MYO5B: variants seen among roughly 807,000 people sequenced by gnomAD.
MYO5B encodes the protein myosin VB.
MYO5B carries 143 observed loss-of-function variants against 229.3 expected under a neutral mutation model. The observed-to-expected ratio is 0.62, with a 90% confidence interval of 0.54 to 0.72. MYO5B has a LOEUF of 0.72. Ranked by LOEUF, MYO5B falls within the 30% of genes least tolerant of loss-of-function variation. MYO5B has a pLI of 0.00. For missense variants in MYO5B, 2,321 were observed against 2,331.0 expected (o/e 1.00, Z 0.09); for synonymous variants, 918 against 885.2 (o/e 1.04, Z -0.66).
chr18:50,000,231 AT>A (rs2026031001), intron 5 of MYO5B, among the ~76,000 whole-genome samples: 1 of 152,184 alleles, frequency 6.6e-6, no homozygotes, highest in Admixed American at 6.5e-5. Flanking sequence ...ACCAAACTCC[AT>A]GGTGACTTGT....
At chr18:49,964,081 G>A (rs1180638597) in intron 10 of MYO5B, among the ~76,000 whole-genome samples, 2 of 152,116 alleles carry the variant, frequency 1.3e-5, no homozygotes, top group Non-Finnish European at 1.5e-5. Context: ...TTAGTTTTGT[G>A]ACAAATTCTT....
chr18:49,931,499 T>C (rs757735168), intron 16 of MYO5B, among the ~76,000 whole-genome samples: 70 of 152,192 alleles, frequency 4.6e-4, no homozygotes, highest in Non-Finnish European at 8.1e-4. Context: ...AAACATTTCC[T>C]TCAGAAGACT....
chr18:50,097,872 A>T (rs1280125229), intron 1 of MYO5B, among the ~76,000 whole-genome samples: 1 of 152,222 alleles, frequency 6.6e-6, no homozygotes, highest in African/African-American at 2.4e-5. Context: ...ACTGAGGAGG[A>T]GCAGAGAATG....
At chr18:49,838,824 G>T (rs1349193870) in intron 36 of MYO5B, among the ~76,000 whole-genome samples, 2 of 152,008 alleles carry the variant, frequency 1.3e-5, no homozygotes, top group Non-Finnish European at 2.9e-5. Context: ...AGGTTAAGAG[G>T]GTTATGCTTT....
Position 49,912,071 on chromosome 18 carries a change from G to A in MYO5B, c.2193C>T (p.Asn731=). Residue 731 remains asparagine, a synonymous_variant, in exon 18 of 40, where the codon AAC becomes AAT. Transcript: ENST00000285039. ...GGGCTGTGTGGCTCACCTTGATGAG[G>A]TTCTCCAGGACAGACCTGCAGATGG... is the stretch of plus-strand genomic sequence containing the variant. ...KKAICRSVLE[N]LIKDPDKFQF... is the part of the protein sequence containing the mutation. 6.2e-7 allele frequency: 1 copy of A among 1,613,796 alleles called. No homozygotes were observed. Among genetic ancestry groups the A allele is most frequent in the Non-Finnish European group, 8.5e-7 (1 of 1,179,680 alleles).
chr18:50,104,167 T>TAA (rs144294604), intron 1 of MYO5B, among the ~76,000 whole-genome samples: 2 of 131,488 alleles, frequency 1.5e-5, no homozygotes, highest in South Asian at 2.5e-4. Context: ...ACTTGTCTAT[T>TAA]AAAAAGAAAA....
intron 4 of MYO5B, among the ~76,000 whole-genome samples, chr18:50,033,032 A>C (rs2026407499): frequency 6.6e-6 from 1 of 152,156 alleles, no homozygotes; most frequent in Non-Finnish European, 1.5e-5. Flanking sequence ...CATACCTAAG[A>C]ATGGAATTGC....
At chr18:49,951,239 T>C (rs1401201396) in intron 14 of MYO5B, among the ~76,000 whole-genome samples, 1 of 152,220 alleles carries the variant, frequency 6.6e-6, no homozygotes, top group Non-Finnish European at 1.5e-5. Context: ...GTTTGCTGTT[T>C]ACTTTTTGCT....
At chr18:49,881,993 T>G (rs986776362) in intron 22 of MYO5B, among the ~76,000 whole-genome samples, 14 of 152,198 alleles carry the variant, frequency 9.2e-5, no homozygotes, top group South Asian at 6.2e-4. Context: ...TTGCAATTGA[T>G]TCACCTTTGC....
chr18:49,950,245 A>G (rs2025417969), intron 14 of MYO5B, among the ~76,000 whole-genome samples: 1 of 152,174 alleles, frequency 6.6e-6, no homozygotes, highest in Admixed American at 6.5e-5. Context: ...GGGGTGGCAA[A>G]AAGGTCACTG....
intron 1 of MYO5B, among the ~76,000 whole-genome samples, chr18:50,126,116 G>GA (rs1479728248): frequency 6.6e-6 from 1 of 152,166 alleles, no homozygotes; most frequent in Non-Finnish European, 1.5e-5. Flanking sequence ...ACTGTATACT[G>GA]AAAAATGGTG....
At chr18:49,994,960 T>C (rs2025971506) in intron 5 of MYO5B, among the ~76,000 whole-genome samples, 1 of 152,306 alleles carries the variant, frequency 6.6e-6, no homozygotes, top group Admixed American at 6.5e-5. Flanking sequence ...CCCTACAAGA[T>C]AGGCATTACT....
At position 50,186,712 on chromosome 18, in the gene MYO5B, A is replaced by G. The variant is rs1029504745; in HGVS notation, c.27+8055T>C. The stretch of plus-strand genomic sequence containing the variant: ...GTTGCCAACACTATGTTAGACAAGC[A>G]CTTCACATGGATTAGGATTATAAGC... On this transcript the variant is annotated intron_variant, in intron 1 of 39. Transcript: ENST00000285039. Among the ~76,000 whole-genome samples, 3 of 152,208 alleles carry G rather than the reference A, an allele frequency of 2.0e-5. No individual in the cohort carries two copies. The South Asian group carries it at 6.2e-4, about 31-fold the overall frequency.
intron 14 of MYO5B, chr18:49,946,441 C>A (rs2025373892): frequency 6.6e-6 from 1 of 152,120 alleles, no homozygotes; most frequent in African/African-American, 2.4e-5. Context: ...AATTTTAGAG[C>A]ATTCTAGATT....
intron 39 of MYO5B, among the ~76,000 whole-genome samples, chr18:49,829,899 G>A (rs1226853083): frequency 6.6e-6 from 1 of 152,050 alleles, no homozygotes; most frequent in Admixed American, 6.6e-5. Context: ...CTTTTTTAAT[G>A]ATAAAAAGAT....
At chr18:49,848,408 G>A (rs989003031) in intron 32 of MYO5B, among the ~76,000 whole-genome samples, 1 of 152,178 alleles carries the variant, frequency 6.6e-6, no homozygotes, top group South Asian at 2.1e-4. Flanking sequence ...CTGATCCACT[G>A]GGAAAGGACC....
intron 25 of MYO5B, among the ~76,000 whole-genome samples, chr18:49,877,101 T>G (rs1480722716): frequency 6.6e-6 from 1 of 152,198 alleles, no homozygotes; most frequent in Non-Finnish European, 1.5e-5. Flanking sequence ...TATTTCCACA[T>G]ACTTTACAAG....
intron 2 of MYO5B, among the ~76,000 whole-genome samples, chr18:50,045,798 G>C (rs1274351231): frequency 6.6e-6 from 1 of 152,212 alleles, no homozygotes; most frequent in Admixed American, 6.5e-5. Flanking sequence ...TTCCACCACA[G>C]CCAATGTTCT....
intron 9 of MYO5B, among the ~76,000 whole-genome samples, chr18:49,975,259 C>A (rs1375150222): frequency 6.6e-6 from 1 of 152,220 alleles, no homozygotes; most frequent in African/African-American, 2.4e-5. Flanking sequence ...AGGCACTAGC[C>A]ATGTTCCTCC....
Sources: allele counts gnomAD v4.1 joint callset (sites outside exome capture counted in the v4.1 genomes callset), GRCh38; gene constraint gnomAD v4.1.1; transcripts MANE v1.5; gene names NCBI Gene and HGNC (gene_info 2026-07-23, HGNC 2026-07-21).